HFM1: variants seen among roughly 807,000 people sequenced by gnomAD.
HFM1 encodes helicase for meiosis 1.
A neutral mutation model predicts 192.1 loss-of-function variants in HFM1; 169 were observed. That is an observed-to-expected ratio of 0.88 (90% CI 0.78 to 1.00). The LOEUF (loss-of-function observed/expected upper bound fraction) is 1.00, where lower values mean the gene tolerates loss of function less well. Ranked by LOEUF, HFM1 falls within the 50% of genes least tolerant of loss-of-function variation. The pLI is 0.00. For synonymous variants in HFM1, 525 were observed against 537.8 expected (o/e 0.98, Z 0.33); for missense variants, 1,661 against 1,668.0 (o/e 1.00, Z 0.07).
chr1:91,318,214 A>G (rs1378638961), intron 25 of HFM1, among the ~76,000 whole-genome samples: 1 of 152,084 alleles, frequency 6.6e-6, no homozygotes, highest in Non-Finnish European at 1.5e-5. Flanking sequence ...TCACCAGCCA[A>G]TCCCCACTTC....
At chr1:91,310,743 C>A (rs1359505410) in intron 30 of HFM1, among the ~76,000 whole-genome samples, 3 of 152,156 alleles carry the variant, frequency 2.0e-5, no homozygotes, top group Non-Finnish European at 2.9e-5. Context: ...TTTGCTTCTT[C>A]CTCATTTTTC....
intron 20 of HFM1, among the ~76,000 whole-genome samples, chr1:91,335,436 T>C (rs2101570399): frequency 1.3e-5 from 2 of 152,194 alleles, no homozygotes; most frequent in East Asian, 3.9e-4. Flanking sequence ...GGCTTATTAA[T>C]AGAGATGAAG....
intron 8 of HFM1, among the ~76,000 whole-genome samples, chr1:91,379,515 C>T (rs79890110): frequency 0.1 from 15,219 of 151,978 alleles, 818 homozygotes; most frequent in East Asian, 0.16. Flanking sequence ...ACAAATTTGT[C>T]GTAAGTTTAC....
intron 13 of HFM1, among the ~76,000 whole-genome samples, chr1:91,375,075 T>G (rs1351636476): frequency 6.6e-6 from 1 of 152,034 alleles, no homozygotes; most frequent in Admixed American, 6.6e-5. Context: ...AAAGATTAAT[T>G]CGCAAGATCA....
At chr1:91,391,381 A>G (rs1415469848) in intron 4 of HFM1, among the ~76,000 whole-genome samples, 1 of 152,260 alleles carries the variant, frequency 6.6e-6, no homozygotes, top group East Asian at 1.9e-4. Flanking sequence ...CCAAAACAGC[A>G]TGATACTGGT....
At position 91,323,175 on chromosome 1, in the gene HFM1, C is replaced by T; in HGVS notation, c.2452G>A (p.Glu818Lys). ...ATCCTTAACTGTATATCTAGAAATT[C>T]CTTGCAGCCAGCTATCAATGTAACC... ...DLVTLIAGCK[E>K]FLDIQLRINE... Residue 818 changes from glutamate (E) to lysine (K), a missense_variant, in exon 22 of 39, where the codon GAA (glutamate) becomes AAA (lysine). Transcript: ENST00000370425. The T allele has an allele frequency of 6.3e-7, 1 of 1,580,606 alleles. No homozygotes were observed. Among genetic ancestry groups the T allele is most frequent in the South Asian group, 1.1e-5 (1 of 88,438 alleles).
chr1:91,329,047 TG>T, intron 20 of HFM1: 1 of 1,611,160 alleles, frequency 6.2e-7, no homozygotes, highest in East Asian at 2.2e-5. Context: ...GAACAGTTTG[TG>T]GATCTGTGCA....
At chr1:91,404,284 G>A (rs1231758467) in intron 1 of HFM1, among the ~76,000 whole-genome samples, 2 of 152,236 alleles carry the variant, frequency 1.3e-5, no homozygotes, top group Non-Finnish European at 1.5e-5. Flanking sequence ...TTCCTAAGGA[G>A]AATATCCTAA....
chr1:91,263,662 AG>A (rs1665387203), intron 36 of HFM1, among the ~76,000 whole-genome samples: 1 of 152,042 alleles, frequency 6.6e-6, no homozygotes, highest in Admixed American at 6.6e-5. Flanking sequence ...CCGAGGTGGG[AG>A]GATCTCTTTA....
chr1:91,399,821 T>A (rs919416132), intron 2 of HFM1, among the ~76,000 whole-genome samples: 1 of 152,222 alleles, frequency 6.6e-6, no homozygotes, highest in African/African-American at 2.4e-5. Context: ...CATGAACATA[T>A]GCTTGTCATT....
At chr1:91,321,108 T>G (rs1652032922) in intron 23 of HFM1, among the ~76,000 whole-genome samples, 2 of 152,058 alleles carry the variant, frequency 1.3e-5, no homozygotes. Context: ...AGGGAAGACC[T>G]AGGAATTAAA....
intron 30 of HFM1, 31 bp downstream of exon 30, chr1:91,313,318 A>T: frequency 7.3e-7 from 1 of 1,364,082 alleles, no homozygotes; most frequent in South Asian, 1.3e-5. Context: ...CTTTGCTTTA[A>T]TATAAAATAG....
At chr1:91,318,515 G>A (rs1651591404) in intron 25 of HFM1, among the ~76,000 whole-genome samples, 1 of 152,150 alleles carries the variant, frequency 6.6e-6, no homozygotes, top group Non-Finnish European at 1.5e-5. Context: ...AAAATCCTTT[G>A]TAAATGGTAC....
chr1:91,368,405 G>T (rs576026398), intron 13 of HFM1, among the ~76,000 whole-genome samples: 2 of 152,354 alleles, frequency 1.3e-5, no homozygotes, highest in African/African-American at 4.8e-5. Flanking sequence ...TCTCTCGGCA[G>T]AAACTCTACA....
At chr1:91,363,598 T>A (rs1368629864) in intron 13 of HFM1, among the ~76,000 whole-genome samples, 1 of 151,704 alleles carries the variant, frequency 6.6e-6, no homozygotes, top group Non-Finnish European at 1.5e-5. Context: ...TAGTGTAAAT[T>A]AGTTCAACCA....
intron 20 of HFM1, among the ~76,000 whole-genome samples, chr1:91,338,109 G>C (rs145035877): frequency 2.1e-3 from 321 of 152,210 alleles, no homozygotes; most frequent in African/African-American, 7.5e-3. Flanking sequence ...GGTGAGGAGT[G>C]GCCCACTCTT....
chr1:91,288,815 T>C (rs1035901648), intron 30 of HFM1, among the ~76,000 whole-genome samples: 22 of 152,342 alleles, frequency 1.4e-4, no homozygotes, highest in African/African-American at 5.1e-4. Context: ...CTCTCTTTCT[T>C]TTCCCCACAT....
Position 91,262,361 on chromosome 1 carries a change from A to G in HFM1, c.4118T>C (p.Leu1373Pro). The change falls in exon 38 of 39, where the codon CTG becomes CCG. Residue 1373 changes from leucine (L) to proline (P), a missense_variant. Leu to Pro is a moderately conservative substitution (Grantham distance 98). Transcript: ENST00000370425. The stretch of plus-strand genomic sequence containing the variant: ...GCATTGCTTCTCAATCTCTGGTGAC[A>G]GATTTTGTGGTTTTCTTTCTTGAAA... Reference protein sequence around the residue: ...VHFQERKPQNLSPEIEKQCFT... With the variant: ...VHFQERKPQNPSPEIEKQCFT... The G allele has an allele frequency of 6.3e-7, 1 of 1,579,288 alleles. No individual in the cohort carries two copies. Among genetic ancestry groups the G allele is most frequent in the Non-Finnish European group, 8.6e-7 (1 of 1,162,504 alleles).
intron 35 of HFM1, among the ~76,000 whole-genome samples, chr1:91,266,772 C>A (rs1414080910): frequency 2.0e-5 from 3 of 152,102 alleles, no homozygotes; most frequent in Non-Finnish European, 4.4e-5. Flanking sequence ...CCCAATGACA[C>A]TTAAGTTTGA....
Sources: gnomAD v4.1 joint callset for allele counts (sites outside exome capture counted in the v4.1 genomes callset) on GRCh38, gnomAD v4.1.1 for gene constraint, MANE v1.5 for transcripts, NCBI Gene and HGNC (gene_info 2026-07-23, HGNC 2026-07-21) for gene names.